The following GRIN2B variants were observed in gnomAD, a reference collection of about 807,000 sequenced individuals.
The protein encoded by GRIN2B is glutamate receptor ionotropic, NMDA 2B.
Under a neutral mutation model 114.5 loss-of-function variants are expected in GRIN2B, and 5 were observed. That is an observed-to-expected ratio of 0.04 (90% CI 0.02 to 0.09). The LOEUF is 0.09. GRIN2B is among the 10% of genes least tolerant of loss of function. GRIN2B has a pLI of 1.00. For synonymous variants in GRIN2B, 787 were observed against 745.1 expected, an observed-to-expected ratio of 1.06 and a Z score of -0.92; for missense variants, 1,108 against 1,943.5, an observed-to-expected ratio of 0.57 and a Z score of 8.08.
In GRIN2B at chr12:13,616,706, C is replaced by A. The variant is rs776056164; in HGVS notation, c.1126-49G>T. On this transcript the variant is annotated intron_variant, in intron 5 of 13. Transcript: ENST00000609686. ...TCAGAAACCACTGGCCACAACATAA[C>A]AAACAGCCTGTCCCAGTATTGTCTG... 10 of 1,407,582 alleles carry A rather than the reference C, an allele frequency of 7.1e-6. No homozygotes were observed. In the East Asian group the frequency reaches 1.6e-4, roughly 22 times the overall value. The allele number at this position is 1,407,582 out of a possible 1,614,324, so 87.2% of individuals were successfully genotyped here. A position where few individuals can be genotyped will look rare whatever the true frequency, so the allele number is the denominator to read the frequency against.
chr12:13,863,111 G>A (rs963563786), intron 3 of GRIN2B, among the ~76,000 whole-genome samples: 1 of 152,174 alleles, frequency 6.6e-6, no homozygotes, highest in Non-Finnish European at 1.5e-5. Context: ...ATGAAGGAAG[G>A]AGCAAGGGGA....
chr12:13,919,460 T>C (rs1232186411), intron 2 of GRIN2B, among the ~76,000 whole-genome samples: 1 of 152,246 alleles, frequency 6.6e-6, no homozygotes, highest in Non-Finnish European at 1.5e-5. Context: ...TTCCCTAATA[T>C]GTACTTTTGG....
intron 10 of GRIN2B, among the ~76,000 whole-genome samples, chr12:13,591,128 A>G (rs1414566646): frequency 6.6e-6 from 1 of 152,088 alleles, no homozygotes; most frequent in African/African-American, 2.4e-5. Flanking sequence ...CCCCTTCCAC[A>G]TCTTTTTTAG....
chr12:13,764,355 A>G (rs2136639717), intron 3 of GRIN2B, among the ~76,000 whole-genome samples: 1 of 152,280 alleles, frequency 6.6e-6, no homozygotes, highest in Admixed American at 6.5e-5. Context: ...TGCAATCAGC[A>G]CTGCAGCCCA....
At chr12:13,767,139 A>C (rs1258541564) in intron 3 of GRIN2B, among the ~76,000 whole-genome samples, 1 of 151,954 alleles carries the variant, frequency 6.6e-6, no homozygotes, top group Non-Finnish European at 1.5e-5. Flanking sequence ...GGGCGCCTGT[A>C]GTACCAGCTA....
chr12:13,942,851 C>T (rs1867285227), intron 2 of GRIN2B, among the ~76,000 whole-genome samples: 1 of 152,172 alleles, frequency 6.6e-6, no homozygotes, highest in African/African-American at 2.4e-5. Flanking sequence ...AGAGACACAG[C>T]ACAATCTCAT....
At chr12:13,628,520 C>A (rs1949591013) in intron 5 of GRIN2B, among the ~76,000 whole-genome samples, 1 of 152,130 alleles carries the variant, frequency 6.6e-6, no homozygotes, top group African/African-American at 2.4e-5. Context: ...TAAACTAACC[C>A]CTCTCAGATA....
intron 2 of GRIN2B, among the ~76,000 whole-genome samples, chr12:13,915,278 CGT>C (rs1428626991): frequency 3.3e-5 from 5 of 152,162 alleles, no homozygotes; most frequent in African/African-American, 1.2e-4. Flanking sequence ...TCCTGGCATA[CGT>C]TAGTCACACT....
intron 2 of GRIN2B, among the ~76,000 whole-genome samples, chr12:13,941,795 G>A (rs573586365): frequency 7.9e-5 from 12 of 152,316 alleles, no homozygotes; most frequent in African/African-American, 2.9e-4. Context: ...CATGGTAGCC[G>A]AAGGCTGAAA....
At chr12:13,851,895 G>A (rs142730414) in intron 3 of GRIN2B, among the ~76,000 whole-genome samples, 12 of 150,078 alleles carry the variant, frequency 8.0e-5, no homozygotes, top group South Asian at 4.3e-4. Context: ...GAAGTGGAGC[G>A]ATGCAGATGG....
chr12:13,739,387 A>G (rs1459863197), intron 4 of GRIN2B, among the ~76,000 whole-genome samples: 1 of 145,996 alleles, frequency 6.8e-6, no homozygotes, highest in Admixed American at 6.8e-5. Flanking sequence ...AAAAAAAAAA[A>G]AAAAAAAAAA....
At position 13,614,982 on chromosome 12, in the gene GRIN2B, A is replaced by G. The variant is rs1175163939; in HGVS notation, c.1654+132T>C. On this transcript the variant is annotated intron_variant, in intron 8 of 13. Transcript: ENST00000609686. ...ATTGATTTTGAAGTCCCCTAAGTGA[A>G]GTCCCTGGCTGAGTTGAGCTCCTAG... 8.6e-6 allele frequency: 7 copies of G among 812,098 alleles called. No individual in the cohort carries two copies. In the South Asian group the frequency reaches 9.5e-5, roughly 11 times the overall value. 50.3% of individuals were successfully genotyped at this position (812,098 alleles called of 1,614,324 possible).
chr12:13,936,161 A>G (rs932806734), intron 2 of GRIN2B, among the ~76,000 whole-genome samples: 1 of 152,276 alleles, frequency 6.6e-6, no homozygotes, highest in African/African-American at 2.4e-5. Flanking sequence ...ATGCGCAGGG[A>G]AAGACTTCCA....
intron 3 of GRIN2B, among the ~76,000 whole-genome samples, chr12:13,759,293 G>A (rs1201185796): frequency 1.3e-5 from 2 of 152,010 alleles, no homozygotes. Context: ...ACAGGCATGA[G>A]CCACCACGCC....
intron 2 of GRIN2B, among the ~76,000 whole-genome samples, chr12:13,930,397 A>T (rs367803610): frequency 2.0e-5 from 3 of 152,084 alleles, no homozygotes; most frequent in Admixed American, 6.6e-5. Context: ...TTCATGGTGC[A>T]ATCAAGGAGG....
intron 3 of GRIN2B, among the ~76,000 whole-genome samples, chr12:13,798,823 C>T (rs2136672511): frequency 6.6e-6 from 1 of 152,336 alleles, no homozygotes; most frequent in East Asian, 1.9e-4. Flanking sequence ...AGAACATGTC[C>T]TCATGACGAT....
At chr12:13,627,333 C>A (rs1380624593) in intron 5 of GRIN2B, among the ~76,000 whole-genome samples, 1 of 152,094 alleles carries the variant, frequency 6.6e-6, no homozygotes, top group Admixed American at 6.6e-5. Context: ...GGTGTCTATT[C>A]TTTATAATCA....
intron 3 of GRIN2B, among the ~76,000 whole-genome samples, chr12:13,781,326 A>G (rs1428811072): frequency 2.6e-5 from 4 of 152,248 alleles, no homozygotes; most frequent in African/African-American, 4.8e-5. Context: ...TAAAGAACAC[A>G]TGAGAATGTT....
intron 4 of GRIN2B, among the ~76,000 whole-genome samples, chr12:13,705,848 C>T (rs903009546): frequency 1.3e-5 from 2 of 152,110 alleles, no homozygotes; most frequent in African/African-American, 2.4e-5. Context: ...TTAGTCTAGA[C>T]AGCAGGCGCA....
Sources: allele counts gnomAD v4.1 joint callset (sites outside exome capture counted in the v4.1 genomes callset), GRCh38; gene constraint gnomAD v4.1.1; transcripts MANE v1.5; gene names NCBI Gene and HGNC (gene_info 2026-07-23, HGNC 2026-07-21).